NALF2: variants seen among roughly 807,000 people sequenced by gnomAD.
NALF2 encodes bB57D9.1 (TED protein).
In NALF2, 1 loss-of-function variant was observed where a neutral mutation model predicts 24.8. That is an observed-to-expected ratio of 0.04 (90% CI 0.01 to 0.19). The LOEUF (loss-of-function observed/expected upper bound fraction) is 0.19. NALF2 is among the 10% of genes least tolerant of loss of function. NALF2 has a pLI of 1.00. For missense variants in NALF2, 458 were observed against 409.6 expected, an observed-to-expected ratio of 1.12 and a Z score of -1.02; for synonymous variants, 254 against 189.8, an observed-to-expected ratio of 1.34 and a Z score of -2.78.
intron 1 of NALF2, among the ~76,000 whole-genome samples, chrX:69,516,033 C>T (rs1049974086): frequency 5.4e-5 from 6 of 112,093 alleles, no homozygotes; most frequent in Non-Finnish European, 9.4e-5. Context: ...ATTATACTAT[C>T]GGTAAAGCTT....
intron 1 of NALF2, among the ~76,000 whole-genome samples, chrX:69,528,259 AC>A (rs904375203): frequency 9.0e-6 from 1 of 111,665 alleles, no homozygotes; most frequent in Non-Finnish European, 1.9e-5. Context: ...CAGGAAGCAT[AC>A]CCATGAAGTG....
chrX:69,510,134 A>G (rs766237287), intron 1 of NALF2, among the ~76,000 whole-genome samples: 8 of 112,435 alleles, frequency 7.1e-5, no homozygotes, highest in Non-Finnish European at 1.3e-4. Context: ...AGGCAATTCT[A>G]ACACCAGATT....
intron 1 of NALF2, among the ~76,000 whole-genome samples, chrX:69,510,299 C>T (rs1006241763): frequency 8.9e-6 from 1 of 112,192 alleles, no homozygotes; most frequent in Non-Finnish European, 1.9e-5. Context: ...GGGTGGGGGG[C>T]TGCCAGAGCC....
intron 1 of NALF2, among the ~76,000 whole-genome samples, chrX:69,517,669 G>A (rs374616997): frequency 1.8e-5 from 2 of 112,029 alleles, no homozygotes; most frequent in South Asian, 3.8e-4. Context: ...TATGGTAGGG[G>A]ATGAGGAGCC....
At position 69,530,369 on chromosome X, in the gene NALF2, T is replaced by G; in HGVS notation, c.*413T>G. The G allele has an allele frequency of 7.2e-6, 1 of 138,262 alleles. No individual in the cohort carries two copies. The highest frequency in any genetic ancestry group is 1.4e-5 in the Non-Finnish European group (1 of 69,702). The allele number at this position is 138,262 out of a possible 1,213,427, so 11.4% of individuals were successfully genotyped here. On this transcript the variant is annotated 3_prime_UTR_variant, in exon 3 of 3. Coordinates refer to ENST00000252338, the MANE Select transcript of NALF2 (RefSeq NM_015686.3). Reference sequence around the variant, plus strand: ...GAGAAGCTCTTTCCCCCACTCCACATTCCTTTTGTTGCCAAGATCCTTAAT... The same window carrying G: ...GAGAAGCTCTTTCCCCCACTCCACAGTCCTTTTGTTGCCAAGATCCTTAAT...
At chrX:69,514,500 C>T (rs1034427352) in intron 1 of NALF2, among the ~76,000 whole-genome samples, 1 of 111,461 alleles carries the variant, frequency 9.0e-6, no homozygotes, top group Non-Finnish European at 1.9e-5. Context: ...CACTTTTTGG[C>T]TATTATAAAT....
rs1156682453 is a variant in NALF2, at chrX:69,504,775, A to G, written c.-508A>G. ...AGCGGGCAGCGGGCGGACGGGCGGG[A>G]GCGGAGCGGCGCGGGGCGAGGGGAG... On this transcript the variant is annotated 5_prime_UTR_variant, in exon 1 of 3. Transcript: ENST00000252338. Among the ~76,000 whole-genome samples, 14 of 107,608 alleles carry G rather than the reference A, an allele frequency of 1.3e-4. No individual in the cohort carries two copies. Among genetic ancestry groups the G allele is most frequent in the Non-Finnish European group, 1.9e-5 (1 of 51,850 alleles). The allele number at this position is 107,608 out of a possible 115,157, so 93.4% of individuals were successfully genotyped here. A position where few individuals can be genotyped will look rare whatever the true frequency, so the allele number is the denominator to read the frequency against.
In NALF2 at chrX:69,520,904, A is replaced by T. The variant is rs910960533; in HGVS notation, c.862-8089A>T. Among the ~76,000 whole-genome samples the T allele has an allele frequency of 7.2e-5, 8 of 111,236 alleles. No homozygotes were observed. The Admixed American group carries it at 7.6e-4, about 11-fold the overall frequency. On this transcript the variant is annotated intron_variant, in intron 1 of 2. Transcript: ENST00000252338. ...GGGGCCCTCACAACCTCTCACTCAGACTGTTGGAATTGTCTTGTAACTGAT... is the reference window on the plus strand; with the variant it reads ...GGGGCCCTCACAACCTCTCACTCAGTCTGTTGGAATTGTCTTGTAACTGAT...
intron 1 of NALF2, among the ~76,000 whole-genome samples, chrX:69,515,694 C>T (rs956472386): frequency 2.7e-5 from 3 of 112,429 alleles, no homozygotes; most frequent in Admixed American, 1.9e-4. Flanking sequence ...GTTTTCCTTA[C>T]TGACTCGTAC....
intron 1 of NALF2, among the ~76,000 whole-genome samples, chrX:69,517,241 A>C (rs1472537829): frequency 8.9e-6 from 1 of 112,288 alleles, no homozygotes; most frequent in Non-Finnish European, 1.9e-5. Context: ...GAACTAAAAA[A>C]TAGGGTCATT....
intron 1 of NALF2, among the ~76,000 whole-genome samples, chrX:69,509,466 T>C (rs1930548184): frequency 9.0e-6 from 1 of 110,997 alleles, no homozygotes; most frequent in Admixed American, 9.6e-5. Flanking sequence ...TGGCTTCTTC[T>C]CTCATAGCTG....
chrX:69,528,327 A>G (rs1252311246), intron 1 of NALF2, among the ~76,000 whole-genome samples: 4 of 112,084 alleles, frequency 3.6e-5, no homozygotes, highest in Non-Finnish European at 5.6e-5. Flanking sequence ...TGTCTGCTCC[A>G]TGCCAGAGCG....
chrX:69,520,213 C>A (rs1930715177), intron 1 of NALF2, among the ~76,000 whole-genome samples: 1 of 112,069 alleles, frequency 8.9e-6, no homozygotes, highest in Non-Finnish European at 1.9e-5. Flanking sequence ...CCCCAAATAT[C>A]TGAGGTTTAG....
chrX:69,505,255 T>A lies in NALF2; in HGVS notation c.-28T>A. 8.9e-7 allele frequency: 1 copy of A among 1,124,707 alleles called. No individual in the cohort carries two copies. Among genetic ancestry groups the A allele is most frequent in the Non-Finnish European group, 1.2e-6 (1 of 854,522 alleles). 92.7% of individuals were successfully genotyped at this position (1,124,707 alleles called of 1,213,427 possible). A position where few individuals can be genotyped will look rare whatever the true frequency, so the allele number is the denominator to read the frequency against. On this transcript the variant is annotated 5_prime_UTR_variant, in exon 1 of 3. Transcript: ENST00000252338. ...GGCCGTCTGGCCTCGCGCCTGCCTG[T>A]TCCCTCCAGCCCGGACCCCCCTGAA...
chrX:69,523,802 T>C (rs919103512), intron 1 of NALF2, among the ~76,000 whole-genome samples: 1 of 111,309 alleles, frequency 9.0e-6, no homozygotes, highest in African/African-American at 3.3e-5. Flanking sequence ...TTGAAGAGTC[T>C]AACATGCCAG....
intron 1 of NALF2, among the ~76,000 whole-genome samples, chrX:69,515,504 C>G (rs751009776): frequency 8.9e-6 from 1 of 112,562 alleles, no homozygotes; most frequent in African/African-American, 3.2e-5. Context: ...AAGTGTGAGA[C>G]TAATATGCAG....
At position 69,506,050 on chromosome X, in the gene NALF2, C is replaced by T. The variant is rs1930478604; in HGVS notation, c.768C>T (p.His256=). Residue 256 remains histidine, a synonymous_variant, in exon 1 of 3, where the codon CAC becomes CAT. Coordinates refer to ENST00000252338, the MANE Select transcript of NALF2 (RefSeq NM_015686.3). ...CIEAYQRLDR[H]AQEKYDEFDL... ...AGGCGTACCAGCGGCTGGACCGACA[C>T]GCTCAGGAAAAATATGACGAGTTCG... 2 of 1,208,338 alleles carry T rather than the reference C, an allele frequency of 1.7e-6. No homozygotes were observed. Among genetic ancestry groups the T allele is most frequent in the Admixed American group, 2.2e-5 (1 of 45,675 alleles).
At position 69,504,394 on chromosome X, in the gene NALF2, A is replaced by T. The variant is rs1444536982; in HGVS notation, c.-889A>T. 8.8e-6 allele frequency among the ~76,000 whole-genome samples: 1 copy of T among 113,134 alleles called. No individual in the cohort carries two copies. Among genetic ancestry groups the T allele is most frequent in the Non-Finnish European group, 1.9e-5 (1 of 53,213 alleles). ...TGCTCCCCGCCAAACACACTTGCAC[A>T]GGGGCTCTCAAGGTGTTCTCCGCAC... is the stretch of plus-strand genomic sequence containing the variant. On this transcript the variant is annotated 5_prime_UTR_variant, in exon 1 of 3. Transcript: ENST00000252338.
At position 69,505,609 on chromosome X, in the gene NALF2, G is replaced by T. The variant is rs748107743; in HGVS notation, c.327G>T (p.Ala109=). Residue 109 remains alanine (A), a synonymous_variant, in exon 1 of 3, where the codon GCG becomes GCT. Coordinates refer to ENST00000252338, the MANE Select transcript of NALF2 (RefSeq NM_015686.3). ...CGCCGCCGCCCGGCGAGCCCAGCGCGCCCCCAGGCACCTGCGGCCCCAGAT... is the reference window on the plus strand; with the variant it reads ...CGCCGCCGCCCGGCGAGCCCAGCGCTCCCCCAGGCACCTGCGGCCCCAGAT... The part of the protein sequence containing the change: ...LPPPPPGEPS[A]PPGTCGPRYS... 1.8e-6 allele frequency: 2 copies of T among 1,099,584 alleles called. No homozygotes were observed. The highest frequency in any genetic ancestry group is 2.3e-6 in the Non-Finnish European group (2 of 853,995). 90.6% of individuals were successfully genotyped at this position (1,099,584 alleles called of 1,213,427 possible).
Sources: allele counts gnomAD v4.1 joint callset (sites outside exome capture counted in the v4.1 genomes callset), GRCh38; gene constraint gnomAD v4.1.1; transcripts MANE v1.5; gene names NCBI Gene and HGNC (gene_info 2026-07-23, HGNC 2026-07-21).